Variants in SLC4A5 observed in about 807,000 individuals in gnomAD.
SLC4A5 encodes the protein solute carrier family 4 member 5.
SLC4A5 carries 96 observed loss-of-function variants against 120.4 expected under a neutral mutation model. The ratio of observed to expected loss-of-function variants is 0.80; its 90% CI spans 0.68 to 0.94. The LOEUF is 0.94. Ranked by LOEUF, SLC4A5 falls within the 40% of genes least tolerant of loss-of-function variation. The pLI, the probability that SLC4A5 is intolerant of heterozygous loss-of-function variation, is 0.00. For missense variants in SLC4A5, 1,259 were observed against 1,459.5 expected (o/e 0.86, Z 2.24); for synonymous variants, 550 against 571.1 (o/e 0.96, Z 0.53).
At position 74,304,531 on chromosome 2, in the gene SLC4A5, C is replaced by T; in HGVS notation, c.229G>A (p.Ala77Thr). 10 of 1,613,954 alleles carry T rather than the reference C, an allele frequency of 6.2e-6. No individual in the cohort carries two copies. The highest frequency in any genetic ancestry group is 8.5e-6 in the Non-Finnish European group (10 of 1,179,950). ...TCCATGCTGCTGTCCTGGCTGCTTGCCCCACTCCCTGGGCCAGTCAGTTCC... is the reference window on the plus strand; with the variant it reads ...TCCATGCTGCTGTCCTGGCTGCTTGTCCCACTCCCTGGGCCAGTCAGTTCC... The change falls in exon 7 of 31, where the codon GCA becomes ACA. Residue 77 changes from alanine to threonine, a missense_variant. Transcript: ENST00000394019.
Position 74,231,308 on chromosome 2 carries a change from C to T in SLC4A5, c.2775G>A (p.Arg925=), listed in dbSNP as rs1158799126. 3 of 1,610,234 alleles carry T rather than the reference C, an allele frequency of 1.9e-6. No individual in the cohort carries two copies. The Admixed American group carries it at 5.0e-5, about 27-fold the overall frequency. Reference sequence around the variant, plus strand: ...CGATGATGCCGGTTACTCTCTGTTCCCTGGCAGAGAAGAACACATGGTCAG... The same window carrying T: ...CGATGATGCCGGTTACTCTCTGTTCTCTGGCAGAGAAGAACACATGGTCAG... The change falls in exon 25 of 31, where the codon AGG becomes AGA. Residue 925 remains arginine, a splice_region_variant and synonymous_variant. Coordinates refer to ENST00000394019, the Ensembl canonical transcript of SLC4A5.
At chr2:74,305,898 G>A (rs1389711718) in intron 6 of SLC4A5, among the ~76,000 whole-genome samples, 2 of 151,750 alleles carry the variant, frequency 1.3e-5, no homozygotes, top group Non-Finnish European at 2.9e-5. Context: ...CTAATTTTTT[G>A]TATCTTTAGT....
chr2:74,315,101 C>T (rs1672925422), intron 5 of SLC4A5, 76 bp from the exon 6 acceptor site: 17 of 1,237,162 alleles, frequency 1.4e-5, no homozygotes, highest in Non-Finnish European at 2.0e-5. Context: ...ATGGTCAAAT[C>T]CACAGTCATA....
At chr2:74,296,616 C>CAAAAAAAAAAAAAAAAA (rs1160532512) in intron 7 of SLC4A5, among the ~76,000 whole-genome samples, 1 of 47,486 alleles carries the variant, frequency 2.1e-5, no homozygotes. Flanking sequence ...ACTAAAAATA[C>CAAAAAAAAAAAAAAAAA]AAAAAAAAAA....
At chr2:74,244,987 AC>A (rs1478030085) in intron 19 of SLC4A5, among the ~76,000 whole-genome samples, 1 of 151,894 alleles carries the variant, frequency 6.6e-6, no homozygotes, top group Admixed American at 6.6e-5. Context: ...TTCCTAGAGC[AC>A]CCCGGGTTTG....
chr2:74,248,532 G>A (rs765118763), intron 17 of SLC4A5, 46 bp from the exon 18 acceptor site: 2 of 1,608,408 alleles, frequency 1.2e-6, no homozygotes, highest in Admixed American at 3.4e-5. Flanking sequence ...AGGAGAAGCG[G>A]TCTCTCCACA....
intron 21 of SLC4A5, among the ~76,000 whole-genome samples, chr2:74,237,362 G>A (rs1670301963): frequency 6.6e-6 from 1 of 152,124 alleles, no homozygotes; most frequent in African/African-American, 2.4e-5. Context: ...TCATCCTGTA[G>A]GCAACAGATA....
At chr2:74,304,808 G>T in intron 6 of SLC4A5, 128 bp from the exon 7 acceptor site, 1 of 891,786 alleles carries the variant, frequency 1.1e-6, no homozygotes, top group Non-Finnish European at 1.7e-6. Context: ...GCCAGGATGG[G>T]GTCATTGCCC....
chr2:74,237,028 G>C (rs978301639), intron 21 of SLC4A5, among the ~76,000 whole-genome samples: 1 of 150,144 alleles, frequency 6.7e-6, no homozygotes, highest in African/African-American at 2.5e-5. Context: ...CCAGGCTGGA[G>C]TGCAGTGGCG....
chr2:74,259,222 C>A (rs933722509), intron 12 of SLC4A5, among the ~76,000 whole-genome samples: 3 of 152,196 alleles, frequency 2.0e-5, no homozygotes, highest in African/African-American at 7.2e-5. Context: ...GTCTCTCTGC[C>A]AGCCCCAGTC....
chr2:74,297,697 T>C (rs1216970639), intron 7 of SLC4A5, among the ~76,000 whole-genome samples: 2 of 152,208 alleles, frequency 1.3e-5, no homozygotes, highest in Admixed American at 1.3e-4. Context: ...TCCTACTGAC[T>C]TTCACCACAG....
At chr2:74,295,327 T>C (rs1672295430) in intron 7 of SLC4A5, among the ~76,000 whole-genome samples, 2 of 152,082 alleles carry the variant, frequency 1.3e-5, no homozygotes, top group Admixed American at 6.6e-5. Context: ...ATATCTAATA[T>C]CTCATTTTAA....
chr2:74,303,493 A>G (rs899982226), intron 7 of SLC4A5, among the ~76,000 whole-genome samples: 3 of 152,224 alleles, frequency 2.0e-5, no homozygotes, highest in Admixed American at 1.3e-4. Flanking sequence ...GCTGAGAGTG[A>G]AATCACGTCC....
chr2:74,248,770 C>G (rs1019046084), intron 17 of SLC4A5, among the ~76,000 whole-genome samples: 3 of 152,226 alleles, frequency 2.0e-5, no homozygotes, highest in East Asian at 1.9e-4. Context: ...TGTGTCCATT[C>G]TACTCCCAGA....
At chr2:74,270,659 C>T (rs186629910) in intron 8 of SLC4A5, among the ~76,000 whole-genome samples, 4 of 152,276 alleles carry the variant, frequency 2.6e-5, no homozygotes, top group Non-Finnish European at 1.5e-5. Flanking sequence ...GATGACAGAG[C>T]GAGACTCCGT....
rs555100501 is a variant in SLC4A5 at position 74,265,641 on chromosome 2, A to T, written c.402-377T>A. Among the ~76,000 whole-genome samples, 7 of 152,312 alleles carry T rather than the reference A, an allele frequency of 4.6e-5. No individual in the cohort carries two copies. In the South Asian group the frequency reaches 8.3e-4, roughly 18 times the overall value. ...TCTAGAACAATAAAGCTGTTTTTTTAAAAAGCCTCAACTGGAACCTGATTA... is the reference window on the plus strand; with the variant it reads ...TCTAGAACAATAAAGCTGTTTTTTTTAAAAGCCTCAACTGGAACCTGATTA... On this transcript the variant is annotated intron_variant, in intron 8 of 30. Transcript: ENST00000394019.
At chr2:74,221,982 TATA>T (rs1388117736) in intron 29 of SLC4A5, among the ~76,000 whole-genome samples, 1 of 152,038 alleles carries the variant, frequency 6.6e-6, no homozygotes, top group East Asian at 1.9e-4. Flanking sequence ...AAGGCAGTAA[TATA>T]ATCTCCCAGG....
chr2:74,319,463 A>G (rs1293729578), intron 5 of SLC4A5: 1 of 152,210 alleles, frequency 6.6e-6, no homozygotes, highest in Admixed American at 6.5e-5. Flanking sequence ...ACCCCTGTAC[A>G]AAGATTACAA....
intron 16 of SLC4A5, among the ~76,000 whole-genome samples, chr2:74,251,963 T>C (rs562617129): frequency 6.6e-6 from 1 of 152,272 alleles, no homozygotes; most frequent in Non-Finnish European, 1.5e-5. Flanking sequence ...GAGAAAAGTT[T>C]GGGTTCCTCT....
Sources: allele counts gnomAD v4.1 joint callset (sites outside exome capture counted in the v4.1 genomes callset), GRCh38; gene constraint gnomAD v4.1.1; transcripts MANE v1.5; gene names NCBI Gene and HGNC (gene_info 2026-07-23, HGNC 2026-07-21).